SORT1: variants seen among roughly 807,000 people sequenced by gnomAD.
SORT1 encodes sortilin 1.
SORT1 carries 39 observed loss-of-function variants against 101.7 expected under a neutral mutation model. That is an observed-to-expected ratio of 0.38 (90% confidence interval 0.30 to 0.50). SORT1 has a LOEUF of 0.50. Ranked by LOEUF, SORT1 falls within the 20% of genes least tolerant of loss-of-function variation. SORT1 has a pLI of 0.90. For missense variants in SORT1, 878 were observed against 1,040.4 expected (o/e 0.84, Z 2.15); for synonymous variants, 396 against 393.7 (o/e 1.01, Z -0.07).
chr1:109,387,303 T>C (rs925944776), intron 1 of SORT1, among the ~76,000 whole-genome samples: 2 of 151,744 alleles, frequency 1.3e-5, no homozygotes, highest in African/African-American at 4.8e-5. Context: ...AAAAAATAAA[T>C]AAATAAAAAT....
At chr1:109,332,526 T>C (rs1178432822) in intron 11 of SORT1, among the ~76,000 whole-genome samples, 1 of 152,168 alleles carries the variant, frequency 6.6e-6, no homozygotes, top group Admixed American at 6.5e-5. Context: ...CCTATGATTA[T>C]TCCACTGGAC....
chr1:109,397,264 C>G (rs901526267), intron 1 of SORT1: 1 of 152,844 alleles, frequency 6.5e-6, no homozygotes, highest in African/African-American at 2.4e-5. Flanking sequence ...ACTCCTTCAC[C>G]TTCCTGGGGC....
intron 1 of SORT1, among the ~76,000 whole-genome samples, chr1:109,396,008 C>T (rs1450703294): frequency 6.6e-6 from 1 of 151,912 alleles, no homozygotes; most frequent in Admixed American, 6.6e-5. Flanking sequence ...CACTTGAGCC[C>T]AGGAGGTCAG....
intron 8 of SORT1, among the ~76,000 whole-genome samples, chr1:109,343,174 G>A (rs1198143025): frequency 6.6e-6 from 1 of 152,042 alleles, no homozygotes; most frequent in East Asian, 1.9e-4. Flanking sequence ...ATAAAACTGA[G>A]GTAATACTAT....
intron 3 of SORT1, among the ~76,000 whole-genome samples, chr1:109,365,715 T>C (rs1187176113): frequency 6.6e-6 from 1 of 152,230 alleles, no homozygotes; most frequent in East Asian, 1.9e-4. Context: ...GGCTAGATCC[T>C]GGGGACCCCA....
At chr1:109,381,169 A>G (rs1009664056) in intron 1 of SORT1, among the ~76,000 whole-genome samples, 1 of 152,212 alleles carries the variant, frequency 6.6e-6, no homozygotes, top group African/African-American at 2.4e-5. Context: ...GGAATTTGTC[A>G]TAAGGGGATA....
intron 15 of SORT1, among the ~76,000 whole-genome samples, chr1:109,318,547 C>T (rs994599537): frequency 2.6e-5 from 4 of 152,158 alleles, no homozygotes; most frequent in South Asian, 4.1e-4. Context: ...GCAGCTCAGG[C>T]GCAGGGAGGT....
chr1:109,369,252 G>T (rs906936092), intron 2 of SORT1, among the ~76,000 whole-genome samples: 4 of 152,180 alleles, frequency 2.6e-5, no homozygotes, highest in Non-Finnish European at 5.9e-5. Flanking sequence ...AACCCGGGAG[G>T]TGGAGGTTGC....
intron 3 of SORT1, among the ~76,000 whole-genome samples, chr1:109,359,581 CCT>C (rs766052178): frequency 4.6e-5 from 7 of 152,152 alleles, no homozygotes; most frequent in East Asian, 1.9e-4. Flanking sequence ...CTCACTGCAA[CCT>C]CTGTCTCCCA....
intron 9 of SORT1, 41 bp from the exon 10 acceptor site, chr1:109,340,920 G>C: frequency 6.6e-7 from 1 of 1,517,600 alleles, no homozygotes; most frequent in Non-Finnish European, 8.9e-7. Context: ...GTCTTGGGTG[G>C]AACCAAAGAG....
intron 13 of SORT1, among the ~76,000 whole-genome samples, chr1:109,326,550 C>CAT (rs1205257779): frequency 6.4e-5 from 9 of 141,504 alleles, no homozygotes; most frequent in Non-Finnish European, 1.2e-4. Context: ...TATATATACA[C>CAT]ATATATATAC....
chr1:109,325,186 C>G, intron 13 of SORT1, 97 bp from the exon 14 acceptor site: 1 of 639,468 alleles, frequency 1.6e-6, no homozygotes, highest in Non-Finnish European at 2.6e-6. Flanking sequence ...CCAGACAAAA[C>G]CCCTTACATT....
At chr1:109,348,372 T>TAAAA (rs1169553878) in intron 6 of SORT1, among the ~76,000 whole-genome samples, 1 of 151,872 alleles carries the variant, frequency 6.6e-6, no homozygotes, top group African/African-American at 2.4e-5. Flanking sequence ...AGCATCCTGG[T>TAAAA]TATTCATATT....
At chr1:109,347,171 C>T (rs1030987775) in intron 7 of SORT1, among the ~76,000 whole-genome samples, 4 of 152,250 alleles carry the variant, frequency 2.6e-5, no homozygotes, top group Non-Finnish European at 4.4e-5. Context: ...AACACAAACA[C>T]AACCCTTGCT....
At chr1:109,361,049 T>C (rs556226186) in intron 3 of SORT1, among the ~76,000 whole-genome samples, 25 of 152,332 alleles carry the variant, frequency 1.6e-4, no homozygotes, top group African/African-American at 6.0e-4. Flanking sequence ...ATCCTAATTA[T>C]TCACATCCTA....
At chr1:109,370,914 C>T (rs1343803830) in intron 1 of SORT1, among the ~76,000 whole-genome samples, 1 of 152,216 alleles carries the variant, frequency 6.6e-6, no homozygotes, top group Non-Finnish European at 1.5e-5. Context: ...GCTACTTGGT[C>T]ACTCAAGCCA....
intron 5 of SORT1, among the ~76,000 whole-genome samples, chr1:109,352,594 T>C (rs939651952): frequency 1.3e-5 from 2 of 152,222 alleles, no homozygotes; most frequent in Admixed American, 6.5e-5. Context: ...TCAGTACTCC[T>C]GTACTCTCAC....
chr1:109,353,328 CAA>C (rs1228771965), intron 5 of SORT1, among the ~76,000 whole-genome samples: 11 of 61,038 alleles, frequency 1.8e-4, no homozygotes, highest in South Asian at 5.1e-4. Flanking sequence ...AACTCTGTCT[CAA>C]AAAAAAAAAA....
chr1:109,332,853 A>G (rs1300355174), intron 11 of SORT1, among the ~76,000 whole-genome samples: 1 of 152,238 alleles, frequency 6.6e-6, no homozygotes, highest in African/African-American at 2.4e-5. Context: ...AAGAACACAC[A>G]ATGTGAAAAA....
Sources: gnomAD v4.1 joint callset for allele counts (sites outside exome capture counted in the v4.1 genomes callset) on GRCh38, gnomAD v4.1.1 for gene constraint, MANE v1.5 for transcripts, NCBI Gene and HGNC (gene_info 2026-07-23, HGNC 2026-07-21) for gene names.